Variants in ALDH2 observed in about 807,000 individuals in gnomAD.
ALDH2 encodes the protein aldehyde dehydrogenase, mitochondrial.
ALDH2 carries 44 observed loss-of-function variants against 59.6 expected under a neutral mutation model. The ratio of observed to expected loss-of-function variants is 0.74; its 90% confidence interval spans 0.58 to 0.95. ALDH2 has a LOEUF of 0.95. Ranked by LOEUF, ALDH2 falls within the 40% of genes least tolerant of loss-of-function variation. The probability of loss-of-function intolerance (pLI) is 0.00; values close to 1 mark genes in which losing one functional copy is unlikely to be tolerated. For synonymous variants in ALDH2, 291 were observed against 284.0 expected (o/e 1.02, Z -0.25); for missense variants, 570 against 696.3 (o/e 0.82, Z 2.04).
At chr12:111,794,742 A>G (rs553021552) in intron 9 of ALDH2, among the ~76,000 whole-genome samples, 1 of 151,570 alleles carries the variant, frequency 6.6e-6, no homozygotes, top group Admixed American at 6.6e-5. Context: ...GCTGGGCTCA[A>G]GCAATCCTCC....
In ALDH2 at chr12:111,817,015, G is replaced by C. The variant is rs1486166133; in HGVS notation, c.*7440G>C. On this transcript the variant is annotated 3_prime_UTR_variant, in exon 13 of 13. Transcript: ENST00000261733. The stretch of plus-strand genomic sequence containing the variant: ...TGATTAAAATGATGGTGCAATTGCT[G>C]TTGCAATTGCAAGCTTTGTACTTGT... 6.6e-6 allele frequency: 1 copy of C among 152,168 alleles called. No individual in the cohort carries two copies. Among genetic ancestry groups the C allele is most frequent in the African/African-American group, 2.4e-5 (1 of 41,442 alleles). The allele number at this position is 152,168 out of a possible 1,614,324, so 9.4% of individuals were successfully genotyped here. A position where few individuals can be genotyped will look rare whatever the true frequency, so the allele number is the denominator to read the frequency against.
intron 1 of ALDH2, among the ~76,000 whole-genome samples, chr12:111,773,472 A>G (rs146507248): frequency 6.2e-4 from 95 of 152,254 alleles, no homozygotes; most frequent in Non-Finnish European, 6.8e-4. Context: ...ATTTTCCATC[A>G]GGCCCTCTAC....
At chr12:111,787,160 C>T (rs149999328) in intron 4 of ALDH2, among the ~76,000 whole-genome samples, 90 of 152,074 alleles carry the variant, frequency 5.9e-4, no homozygotes, top group Non-Finnish European at 9.9e-4. Flanking sequence ...GAGCCGAGAT[C>T]GTGCCATTGC....
At chr12:111,780,083 G>A (rs1364353957) in intron 1 of ALDH2, among the ~76,000 whole-genome samples, 1 of 152,044 alleles carries the variant, frequency 6.6e-6, no homozygotes, top group Non-Finnish European at 1.5e-5. Flanking sequence ...AGTAGAGATG[G>A]GGTTTCACCG....
At chr12:111,785,147 G>T (rs777614177) in intron 3 of ALDH2, 120 bp from the exon 4 acceptor site, 15 of 789,800 alleles carry the variant, frequency 1.9e-5, no homozygotes, top group Middle Eastern at 2.6e-4. Flanking sequence ...GGCACAAAGC[G>T]GACTCTCACC....
chr12:111,816,739 A>G lies in ALDH2; in HGVS notation c.*7164A>G, dbSNP rs1419858863. The G allele has an allele frequency of 1.3e-5, 2 of 152,224 alleles. No homozygotes were observed. Among genetic ancestry groups the G allele is most frequent in the Admixed American group, 6.5e-5 (1 of 15,288 alleles). 9.4% of individuals were successfully genotyped at this position (152,224 alleles called of 1,614,324 possible). A position where few individuals can be genotyped will look rare whatever the true frequency, so the allele number is the denominator to read the frequency against. Reference sequence around the variant, plus strand: ...AACAACATTATTCCAAGGACTACATATAAGATGTTAATGTGGTGCTTTAGA... The same window carrying G: ...AACAACATTATTCCAAGGACTACATGTAAGATGTTAATGTGGTGCTTTAGA... On this transcript the variant is annotated 3_prime_UTR_variant, in exon 13 of 13. Coordinates refer to ENST00000261733, the MANE Select transcript of ALDH2 (RefSeq NM_000690.4).
rs561559310 is a variant in ALDH2 at position 111,809,803 on chromosome 12, C to T, written c.*228C>T. 4 of 568,262 alleles carry T rather than the reference C, an allele frequency of 7.0e-6. No homozygotes were observed. The highest frequency in any genetic ancestry group is 5.7e-5 in the African/African-American group (3 of 53,084). 35.2% of individuals were successfully genotyped at this position (568,262 alleles called of 1,614,324 possible). ...AAACGACAACAATACTGCTAGCTTT[C>T]AGGATGATTTTTAAAAAATAGATTC... On this transcript the variant is annotated 3_prime_UTR_variant, in exon 13 of 13. Transcript: ENST00000261733.
chr12:111,804,776 A>T (rs958264591), intron 12 of ALDH2, among the ~76,000 whole-genome samples: 3 of 151,960 alleles, frequency 2.0e-5, no homozygotes, highest in Non-Finnish European at 2.9e-5. Flanking sequence ...AAGAAAAAAG[A>T]ATTAGCTATT....
chr12:111,809,656 C>A lies in ALDH2; in HGVS notation c.*81C>A. 1 of 1,481,938 alleles carries A rather than the reference C, an allele frequency of 6.7e-7. No individual in the cohort carries two copies. Among genetic ancestry groups the A allele is most frequent in the Non-Finnish European group, 9.4e-7 (1 of 1,067,488 alleles). 91.8% of individuals were successfully genotyped at this position (1,481,938 alleles called of 1,614,324 possible). A position where few individuals can be genotyped will look rare whatever the true frequency, so the allele number is the denominator to read the frequency against. On this transcript the variant is annotated 3_prime_UTR_variant, in exon 13 of 13. Transcript: ENST00000261733. ...ACAAAACCAAGAAAAATGATCCTTG[C>A]GTGCTGAATATCTGAAAAGAGAAAT... is the stretch of plus-strand genomic sequence containing the variant.
chr12:111,802,851 G>T (rs2068464870), intron 11 of ALDH2, among the ~76,000 whole-genome samples: 1 of 146,272 alleles, frequency 6.8e-6, no homozygotes, highest in African/African-American at 2.5e-5. Flanking sequence ...CTGCACTCCA[G>T]CCAGGGCGAC....
At chr12:111,779,341 G>A (rs2068255121) in intron 1 of ALDH2, among the ~76,000 whole-genome samples, 2 of 151,718 alleles carry the variant, frequency 1.3e-5, no homozygotes, top group African/African-American at 2.4e-5. Context: ...AGGCGCATGC[G>A]ACCACACTTG....
chr12:111,809,006 T>G, intron 12 of ALDH2, among the ~76,000 whole-genome samples: 1 of 152,170 alleles, frequency 6.6e-6, no homozygotes, highest in Non-Finnish European at 1.5e-5. Context: ...AATGAAGTAC[T>G]GTGGTTCTCT....
At chr12:111,777,831 G>A (rs895552837) in intron 1 of ALDH2, among the ~76,000 whole-genome samples, 9 of 152,098 alleles carry the variant, frequency 5.9e-5, no homozygotes, top group African/African-American at 1.9e-4. Context: ...CAGCCCTCCC[G>A]TGGAAAGAAA....
In ALDH2 at chr12:111,789,764, G is replaced by C. The variant is rs1488770155; in HGVS notation, c.441-59G>C. ...CAGTTTGAGTCTTCTCTTTCTGCCAGGGTTTGCAGGGGTCCCTGACAATCA... is the reference window on the plus strand; with the variant it reads ...CAGTTTGAGTCTTCTCTTTCTGCCACGGTTTGCAGGGGTCCCTGACAATCA... On this transcript the variant is annotated intron_variant, in intron 4 of 12. Transcript: ENST00000261733. The C allele has an allele frequency of 7.0e-6, 10 of 1,422,880 alleles. No homozygotes were observed. The Admixed American group carries it at 7.2e-5, about 10-fold the overall frequency. The allele number at this position is 1,422,880 out of a possible 1,614,324, so 88.1% of individuals were successfully genotyped here.
At chr12:111,798,980 GCCTAGGCAA>G (rs1251988401) in intron 10 of ALDH2, among the ~76,000 whole-genome samples, 1 of 151,156 alleles carries the variant, frequency 6.6e-6, no homozygotes, top group African/African-American at 2.4e-5. Flanking sequence ...CTGCACTCCA[GCCTAGGCAA>G]CAGAGCGGGA....
chr12:111,781,094 G>A (rs77039719), intron 1 of ALDH2, among the ~76,000 whole-genome samples: 2,354 of 152,188 alleles, frequency 0.015, 71 homozygotes, highest in African/African-American at 0.053. Flanking sequence ...GGGCAGTGGA[G>A]TGAGACCCTG....
Position 111,809,534 on chromosome 12 carries a change from C to G in ALDH2, c.1522-9C>G. On this transcript the variant is annotated splice_polypyrimidine_tract_variant and intron_variant, in intron 12 of 12. Transcript: ENST00000261733. ...GGAAGATCTAACGGCTTCTCTGTCCCCCTTACAGGTCACAGTCAAAGTGCC... is the reference window on the plus strand; with the variant it reads ...GGAAGATCTAACGGCTTCTCTGTCCGCCTTACAGGTCACAGTCAAAGTGCC... 1.2e-6 allele frequency: 2 copies of G among 1,614,172 alleles called. No individual in the cohort carries two copies. The highest frequency in any genetic ancestry group is 1.7e-6 in the Non-Finnish European group (2 of 1,180,006).
In ALDH2 at chr12:111,792,247, C is replaced by A. The variant is rs1009232330; in HGVS notation, c.898+84C>A. ...GGCTCCAGCCGATCCTGTCGCCCCCCCAGTGCCCAATGGCGTTGGTTGCTG... is the reference window on the plus strand; with the variant it reads ...GGCTCCAGCCGATCCTGTCGCCCCCACAGTGCCCAATGGCGTTGGTTGCTG... On this transcript the variant is annotated intron_variant, in intron 8 of 12. Coordinates refer to ENST00000261733, the MANE Select transcript of ALDH2 (RefSeq NM_000690.4). 49 of 1,084,032 alleles carry A rather than the reference C, an allele frequency of 4.5e-5. 1 individual carries two copies. The highest frequency in any genetic ancestry group is 3.5e-4 in the South Asian group (25 of 71,836). The allele number at this position is 1,084,032 out of a possible 1,614,324, so 67.2% of individuals were successfully genotyped here. A position where few individuals can be genotyped will look rare whatever the true frequency, so the allele number is the denominator to read the frequency against.
chr12:111,807,566 C>T (rs2068506988), intron 12 of ALDH2, among the ~76,000 whole-genome samples: 1 of 152,082 alleles, frequency 6.6e-6, no homozygotes, highest in Non-Finnish European at 1.5e-5. Context: ...CCAGGATGGC[C>T]ACGTGACAGG....
Sources: allele counts gnomAD v4.1 joint callset (sites outside exome capture counted in the v4.1 genomes callset), GRCh38; gene constraint gnomAD v4.1.1; transcripts MANE v1.5; gene names NCBI Gene and HGNC (gene_info 2026-07-23, HGNC 2026-07-21).